The following AGBL1 variants were observed in gnomAD, a reference collection of about 807,000 sequenced individuals.
AGBL1 encodes cytosolic carboxypeptidase 4.
Under a neutral mutation model 118.9 loss-of-function variants are expected in AGBL1, and 130 were observed. The observed-to-expected ratio is 1.09, with a 90% CI of 0.95 to 1.26. The LOEUF (loss-of-function observed/expected upper bound fraction) is 1.26. Ranked by LOEUF, AGBL1 falls within the 50% of genes most tolerant of loss-of-function variation. AGBL1 has a pLI of 0.00. For missense variants in AGBL1, 1,584 were observed against 1,298.1 expected (o/e 1.22, Z -3.38); for synonymous variants, 555 against 478.9 (o/e 1.16, Z -2.08).
At chr15:86,872,347 C>T (rs1482374002) in intron 22 of AGBL1, among the ~76,000 whole-genome samples, 3 of 152,092 alleles carry the variant, frequency 2.0e-5, no homozygotes, top group Non-Finnish European at 2.9e-5. Flanking sequence ...AAATAGAAGC[C>T]CTGAGTCCTG....
intron 23 of AGBL1, among the ~76,000 whole-genome samples, chr15:86,960,139 T>A (rs1055902674): frequency 6.6e-6 from 1 of 152,124 alleles, no homozygotes; most frequent in Admixed American, 6.6e-5. Context: ...GTACTACTTA[T>A]CTTGCTTTCC....
Position 86,923,997 on chromosome 15 carries a change from A to G in AGBL1, c.3222-63990A>G, listed in dbSNP as rs548117355. ...CATCAAAATAAAATATTCATAGCAT[A>G]TATACATACAAAAGCAGTCTCCATA... On this transcript the variant is annotated intron_variant, in intron 23 of 24. Transcript: ENST00000441037. Among the ~76,000 whole-genome samples, 51 of 152,364 alleles carry G rather than the reference A, an allele frequency of 3.3e-4. No homozygotes were observed. The South Asian group carries it at 9.7e-3, about 29-fold the overall frequency.
At chr15:86,989,495 T>C (rs183873176) in intron 24 of AGBL1, among the ~76,000 whole-genome samples, 2 of 152,272 alleles carry the variant, frequency 1.3e-5, no homozygotes, top group African/African-American at 4.8e-5. Context: ...ATTATAAGGG[T>C]TTCCCCCTTT....
intron 3 of AGBL1, 57 bp from the exon 4 acceptor site, chr15:86,154,373 T>G: frequency 6.3e-7 from 1 of 1,575,094 alleles, no homozygotes. Context: ...CTGTACTCAT[T>G]GTACAATCCA....
intron 24 of AGBL1, among the ~76,000 whole-genome samples, chr15:87,023,971 G>C (rs777388800): frequency 1.3e-5 from 2 of 151,772 alleles, no homozygotes; most frequent in African/African-American, 4.8e-5. Flanking sequence ...AAACCTCTGA[G>C]ACACAAAAGG....
At chr15:86,574,570 A>ATTTTTTTTTTTTTT (rs776642678) in intron 21 of AGBL1, among the ~76,000 whole-genome samples, 3 of 83,756 alleles carry the variant, frequency 3.6e-5, no homozygotes, top group African/African-American at 4.5e-5. Flanking sequence ...AAAAGTTTTA[A>ATTTTTTTTTTTTTT]TTTTTTTTTT....
At chr15:86,457,262 A>T (rs980830023) in intron 18 of AGBL1, among the ~76,000 whole-genome samples, 2 of 152,164 alleles carry the variant, frequency 1.3e-5, no homozygotes, top group Admixed American at 1.3e-4. Flanking sequence ...GGCCTGTTAG[A>T]TGTGCAACAA....
chr15:87,026,736 C>T (rs1024852264), intron 24 of AGBL1, among the ~76,000 whole-genome samples: 3 of 152,078 alleles, frequency 2.0e-5, no homozygotes, highest in Non-Finnish European at 2.9e-5. Context: ...GGACCCAACT[C>T]AAATGCCCAT....
At chr15:86,582,894 T>G (rs904675092) in intron 21 of AGBL1, among the ~76,000 whole-genome samples, 3 of 151,378 alleles carry the variant, frequency 2.0e-5, no homozygotes, top group Non-Finnish European at 4.4e-5. Flanking sequence ...ATAGCATTAG[T>G]AGATATACCT....
chr15:86,110,510 A>G (rs1190164924), intron 1 of AGBL1, among the ~76,000 whole-genome samples: 1 of 151,976 alleles, frequency 6.6e-6, no homozygotes, highest in Non-Finnish European at 1.5e-5. Context: ...GTAGGTCGAG[A>G]AGGAGAAGGA....
intron 22 of AGBL1, among the ~76,000 whole-genome samples, chr15:86,837,215 CCTGA>C (rs1303241467): frequency 3.5e-5 from 5 of 141,358 alleles, no homozygotes; most frequent in Non-Finnish European, 7.8e-5. Flanking sequence ...CAGAAGACTT[CCTGA>C]CTATCAAAAA....
rs527978257 is a variant in AGBL1, at chr15:86,941,212, G to C, written c.3222-46775G>C. 5.3e-5 allele frequency among the ~76,000 whole-genome samples: 8 copies of C among 152,272 alleles called. No individual in the cohort carries two copies. In the East Asian group the frequency reaches 1.4e-3, roughly 26 times the overall value. On this transcript the variant is annotated intron_variant, in intron 23 of 24. Coordinates refer to the AGBL1 transcript ENST00000441037. ...AAGAGCACAAACTCTTTGGCTTTTG[G>C]TTAAATATTCTGAGACTCTTTTCCT...
rs370889679 is a variant in AGBL1, at chr15:86,496,834, A to G, written c.2556-25976A>G. 3.7e-4 allele frequency among the ~76,000 whole-genome samples: 56 copies of G among 152,150 alleles called. 1 individual carries two copies. The South Asian group carries it at 0.011, about 30-fold the overall frequency. ...ATACAAGAAATAAAACATTTCCAGT[A>G]TTTCAGCAGTATAGAGCATTAATGC... On this transcript the variant is annotated intron_variant, in intron 18 of 22. Coordinates refer to ENST00000614907, the MANE Select transcript of AGBL1 (RefSeq NM_001386094.1).
chr15:86,745,533 G>A (rs2077743581), intron 22 of AGBL1, among the ~76,000 whole-genome samples: 1 of 151,920 alleles, frequency 6.6e-6, no homozygotes, highest in South Asian at 2.1e-4. Context: ...CCTTATGTAG[G>A]AACCAGTTTT....
chr15:86,456,602 T>A (rs1263388449), intron 18 of AGBL1, among the ~76,000 whole-genome samples: 1 of 152,168 alleles, frequency 6.6e-6, no homozygotes, highest in Non-Finnish European at 1.5e-5. Flanking sequence ...GTAGGCTGGA[T>A]CTCACATTTG....
intron 18 of AGBL1, among the ~76,000 whole-genome samples, chr15:86,412,483 C>T (rs1038928291): frequency 1.3e-5 from 2 of 152,048 alleles, no homozygotes; most frequent in Non-Finnish European, 2.9e-5. Flanking sequence ...GTGTTTAGTC[C>T]TGATACACAG....
chr15:86,340,315 A>C (rs748329203), intron 17 of AGBL1, among the ~76,000 whole-genome samples: 1 of 148,926 alleles, frequency 6.7e-6, no homozygotes, highest in African/African-American at 2.5e-5. Context: ...ATTCATGTCT[A>C]TTCAGAAGCT....
intron 23 of AGBL1, among the ~76,000 whole-genome samples, chr15:86,944,811 G>T (rs1251015757): frequency 6.6e-6 from 1 of 151,852 alleles, no homozygotes; most frequent in East Asian, 1.9e-4. Context: ...TTTTCTTAAG[G>T]GCAATAAGTA....
chr15:86,409,188 A>G (rs8030848), intron 18 of AGBL1, among the ~76,000 whole-genome samples: 42,839 of 152,026 alleles, frequency 0.28, 6,695 homozygotes, highest in East Asian at 0.62. Flanking sequence ...GGAGAGACCC[A>G]TGAAGAACAT....
Sources: allele counts gnomAD v4.1 joint callset (sites outside exome capture counted in the v4.1 genomes callset), GRCh38; gene constraint gnomAD v4.1.1; transcripts MANE v1.5; gene names NCBI Gene and HGNC (gene_info 2026-07-23, HGNC 2026-07-21).